ANKRD18A: variants seen among roughly 807,000 people sequenced by gnomAD.
ANKRD18A encodes the protein ankyrin repeat domain 18A, also known as ankyrin repeat domain-containing protein 18A.
Under a neutral mutation model 110.6 loss-of-function variants are expected in ANKRD18A, and 72 were observed. The ratio of observed to expected loss-of-function variants is 0.65; its 90% CI spans 0.54 to 0.79. The LOEUF (loss-of-function observed/expected upper bound fraction) is 0.79. Ranked by LOEUF, ANKRD18A falls within the 30% of genes least tolerant of loss-of-function variation. The pLI is 0.00. For missense variants in ANKRD18A, 934 were observed against 1,163.3 expected, an observed-to-expected ratio of 0.80 and a Z score of 2.87; for synonymous variants, 305 against 410.3, an observed-to-expected ratio of 0.74 and a Z score of 3.10.
chr9:38,581,166 A>C (rs1824144742), intron 12 of ANKRD18A, among the ~76,000 whole-genome samples: 1 of 152,212 alleles, frequency 6.6e-6, no homozygotes. Flanking sequence ...AATAAGTTTT[A>C]AAAAGAGACA....
rs1200329921 is a variant in ANKRD18A, at chr9:38,595,536, A to C, written c.1804T>G (p.Tyr602Asp). The change falls in exon 9 of 16, where the codon TAT becomes GAT. Residue 602 changes from tyrosine (Y) to aspartate (D), a missense_variant. Around this residue, in one of 4 missense-constraint regions of ANKRD18A, gnomAD observed 630 missense variants for 797.5 expected, o/e 0.79. Transcript: ENST00000399703. Reference protein sequence around the residue: ...RNKELMKEYNYLKEKLLQCEK... With the variant: ...RNKELMKEYNDLKEKLLQCEK... The stretch of plus-strand genomic sequence containing the variant: ...CACTGAAGCAGTTTTTCTTTTAAAT[A>C]ATTATATTCTTTCATTAATTCCTTA... 5 of 1,508,030 alleles carry C rather than the reference A, an allele frequency of 3.3e-6. No individual in the cohort carries two copies. Among genetic ancestry groups the C allele is most frequent in the Non-Finnish European group, 4.4e-6 (5 of 1,129,370 alleles). 93.4% of individuals were successfully genotyped at this position (1,508,030 alleles called of 1,614,324 possible).
Position 38,586,323 on chromosome 9 carries a change from G to A in ANKRD18A, c.2118-11C>T, listed in dbSNP as rs1404397033. On this transcript the variant is annotated splice_polypyrimidine_tract_variant and intron_variant, in intron 11 of 15. Transcript: ENST00000399703. The stretch of plus-strand genomic sequence containing the variant: ...AGGCATTTCTTATATCTGCAGAAAT[G>A]TAAGAACTAGTAAGTCAAGTATTTT... 2.0e-6 allele frequency: 3 copies of A among 1,524,508 alleles called. No individual in the cohort carries two copies. The highest frequency in any genetic ancestry group is 2.0e-5 in the Admixed American group (1 of 50,758). The allele number at this position is 1,524,508 out of a possible 1,614,324, so 94.4% of individuals were successfully genotyped here.
intron 7 of ANKRD18A, 75 bp downstream of exon 7, chr9:38,603,084 A>G (rs986985668): frequency 1.3e-6 from 2 of 1,524,526 alleles, no homozygotes; most frequent in Non-Finnish European, 1.8e-6. Context: ...AAACTATACC[A>G]TTAACTACGG....
intron 3 of ANKRD18A, among the ~76,000 whole-genome samples, chr9:38,613,920 C>G (rs114309884): frequency 0.014 from 2,111 of 152,286 alleles, 37 homozygotes; most frequent in African/African-American, 0.047. Flanking sequence ...AGATTACCCA[C>G]AAGTAAATTG....
chr9:38,586,392 T>A, intron 11 of ANKRD18A, 80 bp from the exon 12 acceptor site: 1 of 1,279,024 alleles, frequency 7.8e-7, no homozygotes, highest in Admixed American at 2.8e-5. Flanking sequence ...TATTATGTTA[T>A]GGCATATCAA....
Position 38,578,985 on chromosome 9 carries a change from A to T in ANKRD18A, c.2248-837T>A, listed in dbSNP as rs148975565. On this transcript the variant is annotated intron_variant, in intron 12 of 15. Coordinates refer to ENST00000399703, the MANE Select transcript of ANKRD18A (RefSeq NM_147195.4). ...TGCTAATTTGAATTGCATTTTAAGA[A>T]GTAATGATTCTTGGGGTAAAGGCCA... Among the ~76,000 whole-genome samples, 1,465 of 152,362 alleles carry T rather than the reference A, an allele frequency of 9.6e-3. 18 individuals carry two copies. The highest frequency in any genetic ancestry group is 0.024 in the Middle Eastern group (7 of 294).
At chr9:38,604,381 C>A (rs1360261694) in intron 6 of ANKRD18A, 2 of 150,248 alleles carry the variant, frequency 1.3e-5, no homozygotes, top group Non-Finnish European at 3.0e-5. Context: ...AGAAAAGCAG[C>A]CCTTCCAGCC....
intron 9 of ANKRD18A, among the ~76,000 whole-genome samples, 173 bp from the exon 10 acceptor site, chr9:38,594,082 G>T (rs1326650674): frequency 6.6e-6 from 1 of 152,156 alleles, no homozygotes; most frequent in African/African-American, 2.4e-5. Context: ...GGACATAGAA[G>T]GTGTTATATT....
chr9:38,571,718 G>C lies in ANKRD18A; in HGVS notation c.*327C>G. 1 of 1,049,418 alleles carries C rather than the reference G, an allele frequency of 9.5e-7. No homozygotes were observed. The highest frequency in any genetic ancestry group is 1.1e-6 in the Non-Finnish European group (1 of 872,008). The allele number at this position is 1,049,418 out of a possible 1,614,324, so 65.0% of individuals were successfully genotyped here. A position where few individuals can be genotyped will look rare whatever the true frequency, so the allele number is the denominator to read the frequency against. On this transcript the variant is annotated 3_prime_UTR_variant, in exon 16 of 16. Transcript: ENST00000399703. ...TGGTTGTTTGGCTGTTTAAACAGCT[G>C]ACATTCAGGCAATTTGAGTAGGCCA...
Position 38,577,974 on chromosome 9 carries a change from G to A in ANKRD18A, c.2422C>T (p.His808Tyr), listed in dbSNP as rs1272392878. 1.3e-6 allele frequency: 2 copies of A among 1,576,018 alleles called. No homozygotes were observed. The highest frequency in any genetic ancestry group is 1.7e-6 in the Non-Finnish European group (2 of 1,157,800). The stretch of plus-strand genomic sequence containing the variant: ...AGTTCTACCATATCTTTTTCCATAT[G>A]TGTCTTAAGATTTAATACTTCTTCT... ...LEEEVLNLKT[H>Y]MEKDMVELGK... is the part of the protein sequence containing the mutation. The change falls in exon 13 of 16, where the codon CAT (histidine) becomes TAT (tyrosine). Residue 808 changes from histidine to tyrosine, a missense_variant. Physicochemically the swap from His to Tyr is moderately conservative, Grantham distance 83 (BLOSUM62 2). Transcript: ENST00000399703.
In ANKRD18A at chr9:38,572,141, A is replaced by G; in HGVS notation, c.2965-82T>C. On this transcript the variant is annotated intron_variant, in intron 15 of 15. Coordinates refer to ENST00000399703, the MANE Select transcript of ANKRD18A (RefSeq NM_147195.4). ...TGTAAGTTTAAAATGTGGAGTTGAG[A>G]ACGTTATCAGAGTTAATAAGAATGA... 2.8e-6 allele frequency: 3 copies of G among 1,077,408 alleles called. No individual in the cohort carries two copies. In the Admixed American group the frequency reaches 8.5e-5, roughly 30 times the overall value. 66.7% of individuals were successfully genotyped at this position (1,077,408 alleles called of 1,614,324 possible). A position where few individuals can be genotyped will look rare whatever the true frequency, so the allele number is the denominator to read the frequency against.
chr9:38,578,996 T>C lies in ANKRD18A; in HGVS notation c.2248-848A>G, dbSNP rs561201883. Among the ~76,000 whole-genome samples the C allele has an allele frequency of 2.6e-5, 4 of 152,346 alleles. No homozygotes were observed. The South Asian group carries it at 8.3e-4, about 32-fold the overall frequency. On this transcript the variant is annotated intron_variant, in intron 12 of 15. Coordinates refer to ENST00000399703, the MANE Select transcript of ANKRD18A (RefSeq NM_147195.4). ...ATTGCATTTTAAGAAGTAATGATTC[T>C]TGGGGTAAAGGCCATAGAATACAGC...
In ANKRD18A at chr9:38,615,801, T is replaced by A. The variant is rs563249366; in HGVS notation, c.322-34A>T. The stretch of plus-strand genomic sequence containing the variant: ...GTTAGATAAAAAACTAGACTATAAA[T>A]TCTAAGAATTCAAAATACATATTCC... On this transcript the variant is annotated intron_variant, in intron 2 of 15. Transcript: ENST00000399703. 4 of 1,588,022 alleles carry A rather than the reference T, an allele frequency of 2.5e-6. No individual in the cohort carries two copies. In the African/African-American group the frequency reaches 5.4e-5, roughly 22 times the overall value.
At chr9:38,582,658 G>T (rs1824213449) in intron 12 of ANKRD18A, among the ~76,000 whole-genome samples, 1 of 152,174 alleles carries the variant, frequency 6.6e-6, no homozygotes, top group East Asian at 1.9e-4. Flanking sequence ...AAATTACAAA[G>T]TTGGACTCTC....
intron 5 of ANKRD18A, 32 bp downstream of exon 5, chr9:38,610,241 G>A (rs761145128): frequency 4.0e-6 from 6 of 1,488,078 alleles, no homozygotes; most frequent in Non-Finnish European, 5.3e-6. Flanking sequence ...CCTTAATTTA[G>A]TATTAACCGG....
intron 8 of ANKRD18A, among the ~76,000 whole-genome samples, chr9:38,599,684 G>A (rs1825040250): frequency 2.0e-5 from 3 of 151,770 alleles, no homozygotes; most frequent in Admixed American, 6.6e-5. Flanking sequence ...GGCTGGTCTC[G>A]AACTCCTGAC....
intron 3 of ANKRD18A, among the ~76,000 whole-genome samples, chr9:38,614,226 T>G (rs1224349888): frequency 4.9e-5 from 7 of 144,272 alleles, no homozygotes; most frequent in East Asian, 4.0e-4. Context: ...GAGGTTTTTT[T>G]TTTTTTTTTT....
intron 15 of ANKRD18A, among the ~76,000 whole-genome samples, chr9:38,574,742 T>C (rs1235633604): frequency 6.6e-6 from 1 of 152,180 alleles, no homozygotes; most frequent in Non-Finnish European, 1.5e-5. Context: ...AAGTGTTTGG[T>C]TGCCTGTCAT....
chr9:38,614,437 A>G lies in ANKRD18A; in HGVS notation c.495+1157T>C, dbSNP rs957393253. On this transcript the variant is annotated intron_variant, in intron 3 of 15. Coordinates refer to ENST00000399703, the MANE Select transcript of ANKRD18A (RefSeq NM_147195.4). ...AGCTGGGACTACAGGAACATGCCAC[A>G]GTGCATGGCTTCAAGAAAATATTTT... is the stretch of plus-strand genomic sequence containing the variant. Among the ~76,000 whole-genome samples, 39 of 152,040 alleles carry G rather than the reference A, an allele frequency of 2.6e-4. 2 individuals carry two copies. Among genetic ancestry groups the G allele is most frequent in the Admixed American group, 2.6e-3 (39 of 15,252 alleles).
Sources: gnomAD v4.1 joint callset for allele counts (sites outside exome capture counted in the v4.1 genomes callset) on GRCh38, gnomAD v4.1.1 for gene constraint, gnomAD v4.1.1 regional missense constraint, MANE v1.5 for transcripts, NCBI Gene and HGNC (gene_info 2026-07-23, HGNC 2026-07-21) for gene names.